The following PEPD variants were observed in gnomAD, a reference collection of about 807,000 sequenced individuals.
The protein encoded by PEPD is xaa-Pro dipeptidase.
Under a neutral mutation model 60.7 loss-of-function variants are expected in PEPD, and 53 were observed. The observed-to-expected ratio is 0.87, with a 90% CI of 0.70 to 1.10. PEPD has a LOEUF of 1.10. PEPD is among the 50% of genes least tolerant of loss of function. The pLI is 0.00. For missense variants in PEPD, 711 were observed against 711.9 expected, an observed-to-expected ratio of 1.00 and a Z score of 0.01; for synonymous variants, 267 against 284.1, an observed-to-expected ratio of 0.94 and a Z score of 0.60.
intron 6 of PEPD, among the ~76,000 whole-genome samples, chr19:33,479,753 A>T (rs1970281706): frequency 6.6e-6 from 1 of 152,182 alleles, no homozygotes; most frequent in African/African-American, 2.4e-5. Flanking sequence ...ACATGATCTC[A>T]TTCTTTTTTA....
intron 9 of PEPD, among the ~76,000 whole-genome samples, chr19:33,431,838 C>T (rs1296670570): frequency 6.6e-6 from 1 of 151,618 alleles, no homozygotes; most frequent in African/African-American, 2.4e-5. Context: ...ACTAAAAATA[C>T]AAAAATTAGG....
chr19:33,418,578 G>A (rs1020560016), intron 9 of PEPD, among the ~76,000 whole-genome samples: 1 of 152,206 alleles, frequency 6.6e-6, no homozygotes, highest in African/African-American at 2.4e-5. Flanking sequence ...AGGCACAGGC[G>A]AAGGCGCCCA....
chr19:33,401,918 C>G (rs764783386), intron 11 of PEPD, 49 bp from the exon 12 acceptor site: 1 of 1,580,334 alleles, frequency 6.3e-7, no homozygotes, highest in Non-Finnish European at 8.7e-7. Flanking sequence ...TGCCACCGCC[C>G]CCTTACCCTT....
At chr19:33,472,651 T>C (rs1007553652) in intron 7 of PEPD, among the ~76,000 whole-genome samples, 1 of 152,106 alleles carries the variant, frequency 6.6e-6, no homozygotes, top group African/African-American at 2.4e-5. Context: ...AATTAAGATA[T>C]CAATTAACTG....
intron 7 of PEPD, among the ~76,000 whole-genome samples, chr19:33,465,173 C>G (rs1969997105): frequency 6.6e-6 from 1 of 152,184 alleles, no homozygotes; most frequent in Non-Finnish European, 1.5e-5. Flanking sequence ...TTCCAGAAAC[C>G]AAGCGAAATG....
At chr19:33,515,992 C>A (rs1252733488) in intron 1 of PEPD, among the ~76,000 whole-genome samples, 1 of 152,048 alleles carries the variant, frequency 6.6e-6, no homozygotes, top group Non-Finnish European at 1.5e-5. Flanking sequence ...CACTCAGCTG[C>A]CACTGCAAAG....
chr19:33,502,162 ACT>A (rs1970724802), intron 3 of PEPD, among the ~76,000 whole-genome samples: 1 of 152,168 alleles, frequency 6.6e-6, no homozygotes, highest in Non-Finnish European at 1.5e-5. Flanking sequence ...CAGGGGAGAC[ACT>A]GAGAGCCAAG....
At chr19:33,421,691 C>T (rs117677423) in intron 9 of PEPD, among the ~76,000 whole-genome samples, 1,885 of 152,032 alleles carry the variant, frequency 0.012, 21 homozygotes, top group Non-Finnish European at 0.017. Context: ...ATGGGAGTCT[C>T]GCTACGTTGC....
intron 9 of PEPD, among the ~76,000 whole-genome samples, chr19:33,451,007 C>A (rs977324515): frequency 6.6e-6 from 1 of 152,216 alleles, no homozygotes; most frequent in Admixed American, 6.5e-5. Context: ...GCATAAACTG[C>A]CCCTTACTCT....
chr19:33,489,542 T>C (rs1970457333), intron 6 of PEPD, among the ~76,000 whole-genome samples: 2 of 150,304 alleles, frequency 1.3e-5, no homozygotes, highest in South Asian at 2.1e-4. Context: ...GGCAGGAGAA[T>C]CACTTGAATC....
chr19:33,417,102 G>A (rs982035958), intron 9 of PEPD, among the ~76,000 whole-genome samples: 7 of 152,242 alleles, frequency 4.6e-5, no homozygotes, highest in Non-Finnish European at 7.3e-5. Context: ...TGCTGCAGCT[G>A]CCCAGACAGC....
At chr19:33,409,838 C>T (rs1307357249) in intron 11 of PEPD, among the ~76,000 whole-genome samples, 5 of 152,232 alleles carry the variant, frequency 3.3e-5, no homozygotes, top group Non-Finnish European at 2.9e-5. Flanking sequence ...GCCTGGTGCC[C>T]TCCTTGTGTC....
intron 12 of PEPD, 42 bp downstream of exon 12, chr19:33,401,679 C>T (rs369789415): frequency 9.1e-5 from 144 of 1,580,884 alleles, no homozygotes; most frequent in Admixed American, 3.2e-4. Context: ...GCGCCCCCAA[C>T]GCCACGTCAG....
intron 9 of PEPD, among the ~76,000 whole-genome samples, chr19:33,456,748 C>A (rs943953081): frequency 6.6e-6 from 1 of 152,124 alleles, no homozygotes; most frequent in African/African-American, 2.4e-5. Context: ...CCGCCTGGAC[C>A]CAGACTTGTT....
chr19:33,517,731 C>G (rs1971050605), intron 1 of PEPD, among the ~76,000 whole-genome samples: 1 of 151,846 alleles, frequency 6.6e-6, no homozygotes, highest in African/African-American at 2.4e-5. Flanking sequence ...CTTGGGGAGG[C>G]TGAAGTGGGT....
intron 7 of PEPD, among the ~76,000 whole-genome samples, chr19:33,477,720 G>C (rs910293371): frequency 1.3e-5 from 2 of 152,238 alleles, no homozygotes; most frequent in African/African-American, 4.8e-5. Flanking sequence ...ATGGGATTAT[G>C]TGTTATGTTT....
At chr19:33,451,198 T>C (rs927796373) in intron 9 of PEPD, among the ~76,000 whole-genome samples, 9 of 152,340 alleles carry the variant, frequency 5.9e-5, no homozygotes, top group South Asian at 2.1e-4. Flanking sequence ...TGGCTCACCC[T>C]TGAATTCTTT....
chr19:33,510,922 C>T, intron 3 of PEPD, 106 bp downstream of exon 3: 1 of 1,197,980 alleles, frequency 8.3e-7, no homozygotes. Flanking sequence ...GCAGCTCTTC[C>T]CTCCTCCCCG....
rs572484171 is a variant in PEPD, at chr19:33,438,146, T to G, written c.672-24503A>C. 7.9e-5 allele frequency among the ~76,000 whole-genome samples: 12 copies of G among 152,286 alleles called. No individual in the cohort carries two copies. In the South Asian group the frequency reaches 2.5e-3, roughly 32 times the overall value. ...CTGCAGGGATGTCCAGGAACCCAGC[T>G]GGGATCTCAGAGGGCAGACCCAGGG... is the stretch of plus-strand genomic sequence containing the variant. On this transcript the variant is annotated intron_variant, in intron 9 of 14. Transcript: ENST00000244137.
Sources: allele counts gnomAD v4.1 joint callset (sites outside exome capture counted in the v4.1 genomes callset), GRCh38; gene constraint gnomAD v4.1.1; transcripts MANE v1.5; gene names NCBI Gene and HGNC (gene_info 2026-07-23, HGNC 2026-07-21).